Variants in GSK3B observed in about 807,000 individuals in gnomAD.
GSK3B encodes the protein glycogen synthase kinase 3 beta.
Under a neutral mutation model 56.4 loss-of-function variants are expected in GSK3B, and 15 were observed. The ratio of observed to expected loss-of-function variants is 0.27; its 90% CI spans 0.18 to 0.41. The LOEUF (loss-of-function observed/expected upper bound fraction) is 0.41. GSK3B is among the 10% of genes least tolerant of loss of function. GSK3B has a pLI of 1.00. For synonymous variants in GSK3B, 181 were observed against 188.9 expected, an observed-to-expected ratio of 0.96 and a Z score of 0.34; for missense variants, 300 against 513.4, an observed-to-expected ratio of 0.58 and a Z score of 4.02.
At chr3:120,041,335 G>C in intron 1 of GSK3B, 1 of 309,816 alleles carries the variant, frequency 3.2e-6, no homozygotes, top group Non-Finnish European at 6.6e-6. Flanking sequence ...ATTTATTGTA[G>C]TTGGGCCAGT....
intron 1 of GSK3B, among the ~76,000 whole-genome samples, chr3:120,014,555 A>C (rs2057807489): frequency 6.6e-6 from 1 of 152,200 alleles, no homozygotes; most frequent in African/African-American, 2.4e-5. Context: ...ATATCAACCA[A>C]GCAGTTGAAT....
chr3:119,951,166 T>C (rs1016297567), intron 2 of GSK3B, among the ~76,000 whole-genome samples: 4 of 152,060 alleles, frequency 2.6e-5, no homozygotes, highest in Non-Finnish European at 5.9e-5. Context: ...AGTGCACATA[T>C]GGGGGTGGAG....
intron 10 of GSK3B, among the ~76,000 whole-genome samples, chr3:119,835,485 A>G (rs2108003523): frequency 6.6e-6 from 1 of 152,332 alleles, no homozygotes; most frequent in Non-Finnish European, 1.5e-5. Context: ...TGAATACTAC[A>G]GTCTATACCT....
At chr3:119,991,853 T>C (rs1408730412) in intron 2 of GSK3B, among the ~76,000 whole-genome samples, 2 of 151,942 alleles carry the variant, frequency 1.3e-5, no homozygotes, top group African/African-American at 4.8e-5. Flanking sequence ...CTTTTTAACA[T>C]GTAGAATAAA....
chr3:119,973,828 A>C (rs2057388977), intron 2 of GSK3B, among the ~76,000 whole-genome samples: 1 of 152,234 alleles, frequency 6.6e-6, no homozygotes, highest in Non-Finnish European at 1.5e-5. Context: ...TCATGGTTTT[A>C]GGCATCCACT....
At chr3:119,848,435 T>G (rs1559806656) in intron 9 of GSK3B, among the ~76,000 whole-genome samples, 1 of 152,082 alleles carries the variant, frequency 6.6e-6, no homozygotes, top group Non-Finnish European at 1.5e-5. Context: ...TTTTTTAAAT[T>G]AAGGTATAAT....
chr3:119,875,569 C>G (rs2056302706), intron 8 of GSK3B, among the ~76,000 whole-genome samples: 1 of 151,164 alleles, frequency 6.6e-6, no homozygotes, highest in African/African-American at 2.4e-5. Flanking sequence ...CCGGCTTTGT[C>G]ACAAGCCATC....
At chr3:119,937,648 C>A (rs1445836833) in intron 3 of GSK3B, among the ~76,000 whole-genome samples, 1 of 151,914 alleles carries the variant, frequency 6.6e-6, no homozygotes, top group Non-Finnish European at 1.5e-5. Context: ...AGGAAATTTA[C>A]AGCTGTAAAT....
chr3:119,943,098 A>C (rs900505244), intron 3 of GSK3B, among the ~76,000 whole-genome samples: 5 of 152,194 alleles, frequency 3.3e-5, no homozygotes, highest in Non-Finnish European at 5.9e-5. Flanking sequence ...TTACAGGATA[A>C]AAGCTGATTA....
intron 2 of GSK3B, among the ~76,000 whole-genome samples, chr3:119,981,759 G>A (rs1001583650): frequency 9.9e-5 from 15 of 152,254 alleles, no homozygotes; most frequent in African/African-American, 3.6e-4. Context: ...ACCTCTGTGG[G>A]CAAGGCATAG....
chr3:119,889,340 C>T (rs145115273), intron 7 of GSK3B, among the ~76,000 whole-genome samples: 23 of 152,142 alleles, frequency 1.5e-4, no homozygotes, highest in Admixed American at 7.2e-4. Flanking sequence ...ATATTAGGGG[C>T]GGGTTCCCCC....
intron 1 of GSK3B, among the ~76,000 whole-genome samples, chr3:120,033,599 T>G (rs1430556690): frequency 6.6e-6 from 1 of 152,210 alleles, no homozygotes; most frequent in Admixed American, 6.5e-5. Flanking sequence ...TGCATTGATA[T>G]GGTTTTGCTC....
At chr3:120,021,731 C>T (rs1903764) in intron 1 of GSK3B, among the ~76,000 whole-genome samples, 3,938 of 152,212 alleles carry the variant, frequency 0.026, 174 homozygotes, top group African/African-American at 0.089. Context: ...AGATGAGGAG[C>T]TGCTTCTTAT....
chr3:119,893,990 G>C (rs570145678), intron 7 of GSK3B, among the ~76,000 whole-genome samples: 1 of 151,714 alleles, frequency 6.6e-6, no homozygotes, highest in Admixed American at 6.6e-5. Flanking sequence ...TCTAATTTTA[G>C]AACATGTTCA....
intron 2 of GSK3B, among the ~76,000 whole-genome samples, chr3:119,951,784 A>T (rs1365827253): frequency 6.6e-6 from 1 of 152,168 alleles, no homozygotes; most frequent in African/African-American, 2.4e-5. Context: ...AAGTTCAAAA[A>T]ATTAAGGGAA....
intron 2 of GSK3B, among the ~76,000 whole-genome samples, chr3:119,959,635 C>T (rs1162045998): frequency 6.6e-6 from 1 of 151,430 alleles, no homozygotes; most frequent in African/African-American, 2.4e-5. Flanking sequence ...CTGCCTCAGC[C>T]TCCTGAGTAG....
chr3:120,063,292 G>A (rs1429496794), intron 1 of GSK3B, among the ~76,000 whole-genome samples: 3 of 152,100 alleles, frequency 2.0e-5, no homozygotes, highest in South Asian at 2.1e-4. Context: ...TTGAGTATCC[G>A]TGGTAAAATA....
intron 6 of GSK3B, among the ~76,000 whole-genome samples, chr3:119,911,600 A>T (rs2056735399): frequency 6.6e-6 from 1 of 152,202 alleles, no homozygotes; most frequent in Non-Finnish European, 1.5e-5. Flanking sequence ...CCAATTCAGT[A>T]GAAGGCTATT....
intron 1 of GSK3B, among the ~76,000 whole-genome samples, chr3:120,035,460 G>A (rs1276347183): frequency 6.6e-6 from 1 of 152,182 alleles, no homozygotes; most frequent in African/African-American, 2.4e-5. Flanking sequence ...ATTTCCATAT[G>A]AATTTTAGGA....
Sources: allele counts gnomAD v4.1 joint callset (sites outside exome capture counted in the v4.1 genomes callset), GRCh38; gene constraint gnomAD v4.1.1; transcripts MANE v1.5; gene names NCBI Gene and HGNC (gene_info 2026-07-23, HGNC 2026-07-21).